TAF1A: variants seen among roughly 807,000 people sequenced by gnomAD.
TAF1A encodes the protein TATA box-binding protein-associated factor RNA polymerase I subunit A.
Under a neutral mutation model 61.6 loss-of-function variants are expected in TAF1A, and 42 were observed. The observed-to-expected ratio is 0.68, with a 90% CI of 0.53 to 0.88. The LOEUF (loss-of-function observed/expected upper bound fraction) is 0.88, where lower values mean the gene tolerates loss of function less well. TAF1A is among the 40% of genes least tolerant of loss of function. TAF1A has a pLI of 0.00. For synonymous variants in TAF1A, 179 were observed against 177.7 expected, an observed-to-expected ratio of 1.01 and a Z score of -0.06; for missense variants, 424 against 518.7, an observed-to-expected ratio of 0.82 and a Z score of 1.77.
chr1:222,571,535 C>A (rs1236250740), intron 5 of TAF1A, among the ~76,000 whole-genome samples: 1 of 151,856 alleles, frequency 6.6e-6, no homozygotes, highest in Non-Finnish European at 1.5e-5. Flanking sequence ...ACAAAGGTTG[C>A]AGAGTACAAG....
downstream of TAF1A, among the ~76,000 whole-genome samples, chr1:222,554,541 C>T (rs1330305544): frequency 2.3e-4 from 32 of 138,354 alleles, no homozygotes; most frequent in Admixed American, 2.3e-3. Flanking sequence ...GCAGAAAAAG[C>T]CCTTGTGCTG....
rs1175604727 is a variant in TAF1A, at chr1:222,558,540, A to G, written c.*120T>C. ...AAATAATACAAAAATATAAAAATAT[A>G]TAAAAATAAGTTTTTTGTAGTAATA... On this transcript the variant is annotated 3_prime_UTR_variant, in exon 11 of 11. Transcript: ENST00000352967. 1 of 377,408 alleles carries G rather than the reference A, an allele frequency of 2.6e-6. No individual in the cohort carries two copies. Among genetic ancestry groups the G allele is most frequent in the Admixed American group, 4.6e-5 (1 of 21,942 alleles). 23.4% of individuals were successfully genotyped at this position (377,408 alleles called of 1,614,324 possible). A position where few individuals can be genotyped will look rare whatever the true frequency, so the allele number is the denominator to read the frequency against.
chr1:222,561,629 A>G, intron 9 of TAF1A, 111 bp from the exon 10 acceptor site: 1 of 1,128,960 alleles, frequency 8.9e-7, no homozygotes, highest in Non-Finnish European at 1.2e-6. Flanking sequence ...GATGCTTCCA[A>G]GCTAAATTCT....
intron 3 of TAF1A, among the ~76,000 whole-genome samples, chr1:222,583,305 A>G (rs189061698): frequency 3.9e-5 from 6 of 152,282 alleles, no homozygotes; most frequent in Admixed American, 3.3e-4. Flanking sequence ...ATGGGAGAAA[A>G]AAAAGGTTCT....
chr1:222,566,889 T>TA (rs1660139069), intron 7 of TAF1A, among the ~76,000 whole-genome samples: 4 of 152,216 alleles, frequency 2.6e-5, no homozygotes, highest in African/African-American at 9.7e-5. Context: ...GAAAACAGTT[T>TA]GACAATTCCT....
chr1:222,588,804 T>C (rs1279572844), intron 1 of TAF1A, among the ~76,000 whole-genome samples: 1 of 152,222 alleles, frequency 6.6e-6, no homozygotes, highest in Non-Finnish European at 1.5e-5. Flanking sequence ...ATAAATAAGA[T>C]ACTGCCCCTC....
At chr1:222,565,554 A>G (rs1660082824) in intron 7 of TAF1A, among the ~76,000 whole-genome samples, 2 of 152,248 alleles carry the variant, frequency 1.3e-5, no homozygotes, top group Admixed American at 1.3e-4. Flanking sequence ...CTGAAAGCAC[A>G]GTCTTGCTTT....
chr1:222,563,995 T>C, intron 8 of TAF1A, 64 bp downstream of exon 8: 1 of 981,130 alleles, frequency 1.0e-6, no homozygotes, highest in Admixed American at 1.9e-5. Context: ...TGGGCTAAAC[T>C]AGTTTGCTGG....
chr1:222,584,899 C>T (rs938003401), intron 2 of TAF1A, among the ~76,000 whole-genome samples: 6 of 152,214 alleles, frequency 3.9e-5, no homozygotes, highest in Admixed American at 2.6e-4. Flanking sequence ...TATCTTCCCA[C>T]GTAACTATGA....
rs755774034 is a variant in TAF1A, at chr1:222,558,701, T to G, written c.1312A>C (p.Arg438=). 5 of 1,578,406 alleles carry G rather than the reference T, an allele frequency of 3.2e-6. No homozygotes were observed. Among genetic ancestry groups the G allele is most frequent in the Non-Finnish European group, 4.3e-6 (5 of 1,161,282 alleles). Residue 438 remains arginine, a synonymous_variant, in exon 11 of 11, where the codon AGA becomes CGA. Transcript: ENST00000352967. ...ACAATACTGTATTTTTTCACAGATCTCTTCATCCGCTTAATTTTCTTCCCT... is the reference window on the plus strand; with the variant it reads ...ACAATACTGTATTTTTTCACAGATCGCTTCATCCGCTTAATTTTCTTCCCT... ...ILGKKIKRMK[R]SVKKYSIVNP...
At chr1:222,586,870 G>A (rs1424911082) in intron 2 of TAF1A, among the ~76,000 whole-genome samples, 1 of 152,196 alleles carries the variant, frequency 6.6e-6, no homozygotes. Context: ...CCAGCACAAT[G>A]TCAATATTAA....
In TAF1A at chr1:222,569,543, C is replaced by T. The variant is rs772286552; in HGVS notation, c.861G>A (p.Lys287=). 2 of 1,613,918 alleles carry T rather than the reference C, an allele frequency of 1.2e-6. No homozygotes were observed. The highest frequency in any genetic ancestry group is 2.2e-5 in the South Asian group (2 of 91,052). The change falls in exon 7 of 11, where the codon AAG becomes AAA. Residue 287 remains lysine, a synonymous_variant. Coordinates refer to ENST00000352967, the MANE Select transcript of TAF1A (RefSeq NM_005681.4). ...IYLYNFLKRQ[K]APRSKLISVL... is the part of the protein sequence containing the mutation. The stretch of plus-strand genomic sequence containing the variant: ...CACTTATCAATTTTGATCTTGGTGC[C>T]TTCTGTCTCTTTAGAAAGTTGTATA...
At chr1:222,565,266 C>T (rs1225181340) in intron 7 of TAF1A, among the ~76,000 whole-genome samples, 1 of 152,226 alleles carries the variant, frequency 6.6e-6, no homozygotes, top group African/African-American at 2.4e-5. Flanking sequence ...CACCAATTCA[C>T]TTGTATGCTC....
At chr1:222,577,300 T>G in intron 5 of TAF1A, 145 bp downstream of exon 5, 1 of 642,318 alleles carries the variant, frequency 1.6e-6, no homozygotes, top group Non-Finnish European at 2.7e-6. Flanking sequence ...AGAAATATTA[T>G]AAAGGATCAA....
chr1:222,585,947 T>C (rs1252859699), intron 2 of TAF1A, among the ~76,000 whole-genome samples: 2 of 152,166 alleles, frequency 1.3e-5, no homozygotes, highest in Non-Finnish European at 2.9e-5. Context: ...CTTGCAAATA[T>C]TAAACATACA....
chr1:222,560,858 T>G (rs1659884711), intron 10 of TAF1A, among the ~76,000 whole-genome samples: 1 of 152,198 alleles, frequency 6.6e-6, no homozygotes, highest in Admixed American at 6.5e-5. Flanking sequence ...CCACCCAAAA[T>G]ATTTCTTTTC....
At position 222,558,629 on chromosome 1, in the gene TAF1A, G is replaced by C; in HGVS notation, c.*31C>G. The C allele has an allele frequency of 8.1e-7, 1 of 1,231,764 alleles. No individual in the cohort carries two copies. The highest frequency in any genetic ancestry group is 1.1e-6 in the Non-Finnish European group (1 of 880,662). The allele number at this position is 1,231,764 out of a possible 1,614,324, so 76.3% of individuals were successfully genotyped here. On this transcript the variant is annotated 3_prime_UTR_variant, in exon 11 of 11. Coordinates refer to ENST00000352967, the MANE Select transcript of TAF1A (RefSeq NM_005681.4). ...TATCTACCAAGCTACTTACTGTGTA[G>C]CTACAACTGTGAAATAACTAAAATT...
At chr1:222,568,122 CA>C (rs1421173942) in intron 7 of TAF1A, among the ~76,000 whole-genome samples, 1 of 150,082 alleles carries the variant, frequency 6.7e-6, no homozygotes, top group Non-Finnish European at 1.5e-5. Context: ...ACACACTACC[CA>C]CAAAAAAATA....
rs567801460 is a variant in TAF1A at position 222,564,150 on chromosome 1, T to C, written c.895-25A>G. ...TCTGAAAGAAAGAACAGTCTTGTAA[T>C]CTTTACATACTTGTAAAAGCATTTC... On this transcript the variant is annotated intron_variant, in intron 7 of 10. Coordinates refer to ENST00000352967, the MANE Select transcript of TAF1A (RefSeq NM_005681.4). 4.9e-6 allele frequency: 7 copies of C among 1,430,032 alleles called. No individual in the cohort carries two copies. The South Asian group carries it at 8.5e-5, about 17-fold the overall frequency. 88.6% of individuals were successfully genotyped at this position (1,430,032 alleles called of 1,614,324 possible).
Sources: allele counts gnomAD v4.1 joint callset (sites outside exome capture counted in the v4.1 genomes callset), GRCh38; gene constraint gnomAD v4.1.1; transcripts MANE v1.5; gene names NCBI Gene and HGNC (gene_info 2026-07-23, HGNC 2026-07-21).